Variants in MAP3K2 observed in about 807,000 individuals in gnomAD.
MAP3K2 encodes the protein MAP/ERK kinase kinase 2.
In MAP3K2, 24 loss-of-function variants were observed where a neutral mutation model predicts 80.3. That is an observed-to-expected ratio of 0.30 (90% CI 0.22 to 0.42). The LOEUF (loss-of-function observed/expected upper bound fraction) is 0.42, where lower values mean the gene tolerates loss of function less well. Among genes scored for constraint, MAP3K2 ranks in the 10% least tolerant of loss-of-function variants. MAP3K2 has a pLI of 1.00. For missense variants in MAP3K2, 608 were observed against 750.1 expected (o/e 0.81, Z 2.21); for synonymous variants, 244 against 253.7 (o/e 0.96, Z 0.36).
chr2:127,357,037 T>C (rs1686809355), intron 1 of MAP3K2, among the ~76,000 whole-genome samples: 1 of 151,760 alleles, frequency 6.6e-6, no homozygotes, highest in Non-Finnish European at 1.5e-5. Flanking sequence ...CACACAAAAA[T>C]AAAATAATCA....
intron 1 of MAP3K2, among the ~76,000 whole-genome samples, chr2:127,366,705 C>T (rs956369999): frequency 1.3e-5 from 2 of 152,018 alleles, no homozygotes; most frequent in Non-Finnish European, 2.9e-5. Flanking sequence ...AAAAGATCTT[C>T]ACCCCACTCC....
At position 127,364,818 on chromosome 2, in the gene MAP3K2, G is replaced by T. The variant is rs1047398035; in HGVS notation, c.-65-21624C>A. Among the ~76,000 whole-genome samples, 1 of 151,612 alleles carries T rather than the reference G, an allele frequency of 6.6e-6. No homozygotes were observed. The highest frequency in any genetic ancestry group is 1.5e-5 in the Non-Finnish European group (1 of 67,944). On this transcript the variant is annotated intron_variant, in intron 1 of 16. Transcript: ENST00000682094. The surrounding 1 kb of genome is among the most constrained non-coding windows in gnomAD (Gnocchi z 4.1). Reference sequence around the variant, plus strand: ...TTCTCAATCTCTTCTCATTACTACTGCAATGACTACTAATAAAAGCTACTA... The same window carrying T: ...TTCTCAATCTCTTCTCATTACTACTTCAATGACTACTAATAAAAGCTACTA...
chr2:127,338,980 T>C lies in MAP3K2; in HGVS notation c.75A>G (p.Leu25=). 6.2e-7 allele frequency: 1 copy of C among 1,612,982 alleles called. No homozygotes were observed. Among genetic ancestry groups the C allele is most frequent in the Non-Finnish European group, 8.5e-7 (1 of 1,179,486 alleles). Residue 25 remains leucine, a synonymous_variant, in exon 3 of 17, where the codon TTA becomes TTG. Transcript: ENST00000682094. The part of the protein sequence containing the change: ...AVLHKASRPA[L]SLQETRKAKS... ...TTGCTTTTCTGGTTTCCTGCAAGGATAATGCTGGTCGACTGGCCTTATGAA... is the reference window on the plus strand; with the variant it reads ...TTGCTTTTCTGGTTTCCTGCAAGGACAATGCTGGTCGACTGGCCTTATGAA...
At chr2:127,340,455 A>C (rs763946254) in intron 2 of MAP3K2, among the ~76,000 whole-genome samples, 4 of 152,130 alleles carry the variant, frequency 2.6e-5, no homozygotes, top group Non-Finnish European at 5.9e-5. Context: ...TCAGGAATTC[A>C]AGACAAGTCT....
intron 10 of MAP3K2, 85 bp from the exon 11 acceptor site, chr2:127,324,079 T>C (rs1686081238): frequency 9.1e-7 from 1 of 1,100,320 alleles, no homozygotes; most frequent in Non-Finnish European, 1.3e-6. Context: ...TTATAAATCT[T>C]TATTTGACTT....
intron 1 of MAP3K2, among the ~76,000 whole-genome samples, chr2:127,379,785 A>G (rs1687215866): frequency 6.6e-6 from 1 of 152,230 alleles, no homozygotes; most frequent in South Asian, 2.1e-4. Context: ...CACGTATTCT[A>G]GAGCCAGGCT....
intron 7 of MAP3K2, among the ~76,000 whole-genome samples, chr2:127,328,649 T>G (rs2104829970): frequency 6.6e-6 from 1 of 152,330 alleles, no homozygotes; most frequent in South Asian, 2.1e-4. Context: ...CCTCTGCTGC[T>G]CGCATTTCTG....
rs943611359 is a variant in MAP3K2, at chr2:127,299,918, G to A, written c.*7661C>T. On this transcript the variant is annotated 3_prime_UTR_variant, in exon 17 of 17. Transcript: ENST00000682094. ...AATGAAATGAAAATAAGAACTTACTGGGATATATACATGTGCCTACAGACA... is the reference window on the plus strand; with the variant it reads ...AATGAAATGAAAATAAGAACTTACTAGGATATATACATGTGCCTACAGACA... 1 of 151,666 alleles carries A rather than the reference G, an allele frequency of 6.6e-6. No homozygotes were observed. Among genetic ancestry groups the A allele is most frequent in the South Asian group, 2.1e-4 (1 of 4,812 alleles). The allele number at this position is 151,666 out of a possible 1,614,324, so 9.4% of individuals were successfully genotyped here.
chr2:127,354,239 TA>T (rs56904810), intron 1 of MAP3K2, among the ~76,000 whole-genome samples: 12 of 113,674 alleles, frequency 1.1e-4, no homozygotes, highest in East Asian at 2.5e-4. Context: ...GAATGATCAA[TA>T]AAAAAAAAAA....
intron 7 of MAP3K2, among the ~76,000 whole-genome samples, chr2:127,329,266 ACC>A (rs1416332134): frequency 6.6e-6 from 1 of 152,058 alleles, no homozygotes; most frequent in Non-Finnish European, 1.5e-5. Flanking sequence ...AATCACTAAA[ACC>A]CTAGAGAAAG....
chr2:127,333,684 G>A (rs75978169), intron 5 of MAP3K2, among the ~76,000 whole-genome samples: 1,815 of 152,196 alleles, frequency 0.012, 36 homozygotes, highest in African/African-American at 0.042. Context: ...CCACATTCCT[G>A]CCAAGAGGCC....
chr2:127,321,944 C>A lies in MAP3K2; in HGVS notation c.1045+102G>T. The A allele has an allele frequency of 1.0e-6, 1 of 977,600 alleles. No individual in the cohort carries two copies. Among genetic ancestry groups the A allele is most frequent in the Admixed American group, 2.2e-5 (1 of 45,862 alleles). The allele number at this position is 977,600 out of a possible 1,614,324, so 60.6% of individuals were successfully genotyped here. On this transcript the variant is annotated intron_variant, in intron 12 of 16. Transcript: ENST00000682094. This position sits in a 1 kb window ranked among gnomAD's most constrained non-coding sequence, Gnocchi z 4.4. Reference sequence around the variant, plus strand: ...CCATTATTACCTTTTTTGAGTAGTTCATCTGACCCCAAAAACTCACTTAGT... The same window carrying A: ...CCATTATTACCTTTTTTGAGTAGTTAATCTGACCCCAAAAACTCACTTAGT...
At chr2:127,353,388 G>A (rs561934126) in intron 1 of MAP3K2, among the ~76,000 whole-genome samples, 2 of 150,640 alleles carry the variant, frequency 1.3e-5, no homozygotes, top group African/African-American at 4.9e-5. Flanking sequence ...CCGCCCGGCC[G>A]CCCCATCTGA....
intron 1 of MAP3K2, among the ~76,000 whole-genome samples, chr2:127,370,983 G>A (rs1687053743): frequency 6.6e-6 from 1 of 152,148 alleles, no homozygotes; most frequent in South Asian, 2.1e-4. Flanking sequence ...TTAAGCAAGT[G>A]GCATTAGAAG....
At chr2:127,386,092 C>A (rs918353937) in intron 1 of MAP3K2, among the ~76,000 whole-genome samples, 1 of 152,044 alleles carries the variant, frequency 6.6e-6, no homozygotes, top group Non-Finnish European at 1.5e-5. Flanking sequence ...ACTGCAAGAC[C>A]ACAAATTTTC....
In MAP3K2 at chr2:127,314,643, T is replaced by C. The variant is rs1461792143; in HGVS notation, c.1456+111A>G. On this transcript the variant is annotated intron_variant, in intron 15 of 16. Coordinates refer to ENST00000682094, the MANE Select transcript of MAP3K2 (RefSeq NM_001371910.2). ...AGAAAGCAAGAGAACTGTTTCCCTG[T>C]AGTATTTCAGAGACAGATGAATTAA... 2.9e-5 allele frequency: 24 copies of C among 841,268 alleles called. No individual in the cohort carries two copies. The Admixed American group carries it at 3.8e-4, about 13-fold the overall frequency. The allele number at this position is 841,268 out of a possible 1,614,324, so 52.1% of individuals were successfully genotyped here. A position where few individuals can be genotyped will look rare whatever the true frequency, so the allele number is the denominator to read the frequency against.
At chr2:127,381,952 A>C (rs1687252333) in intron 1 of MAP3K2, among the ~76,000 whole-genome samples, 1 of 152,128 alleles carries the variant, frequency 6.6e-6, no homozygotes, top group Non-Finnish European at 1.5e-5. Context: ...CAAATCGAGA[A>C]TATGAGTCAC....
At chr2:127,340,075 CTT>C (rs1294840258) in intron 2 of MAP3K2, among the ~76,000 whole-genome samples, 4 of 152,080 alleles carry the variant, frequency 2.6e-5, no homozygotes, top group African/African-American at 9.7e-5. Flanking sequence ...TTTAATAACA[CTT>C]AATATAGTCT....
intron 15 of MAP3K2, 35 bp downstream of exon 15, chr2:127,314,719 T>C: frequency 6.6e-7 from 1 of 1,504,998 alleles, no homozygotes. Context: ...CACTAAGAAC[T>C]GTGTACTTAA....
Sources: allele counts gnomAD v4.1 joint callset (sites outside exome capture counted in the v4.1 genomes callset), GRCh38; gene constraint gnomAD v4.1.1; non-coding constraint Gnocchi (gnomAD v3.1); transcripts MANE v1.5; gene names NCBI Gene and HGNC (gene_info 2026-07-23, HGNC 2026-07-21).